HS1BP3: variants seen among roughly 807,000 people sequenced by gnomAD.
The protein encoded by HS1BP3 is HCLS1 binding protein 3.
In HS1BP3, 32 loss-of-function variants were observed where a neutral mutation model predicts 33.5. The ratio of observed to expected loss-of-function variants is 0.95; its 90% CI spans 0.72 to 1.28. The LOEUF (loss-of-function observed/expected upper bound fraction) is 1.28, where lower values mean the gene tolerates loss of function less well. Among genes scored for constraint, HS1BP3 ranks in the 50% most tolerant of loss-of-function variants. HS1BP3 has a pLI of 0.00. For synonymous variants in HS1BP3, 187 were observed against 209.2 expected (o/e 0.89, Z 0.92); for missense variants, 486 against 502.3 (o/e 0.97, Z 0.31).
intron 4 of HS1BP3, chr2:20,636,166 C>G (rs1260890594): frequency 6.6e-6 from 1 of 152,256 alleles, no homozygotes; most frequent in Non-Finnish European, 1.5e-5. Context: ...AACAGCCTCC[C>G]GAGAAGAACA....
chr2:20,577,828 A>T (rs2149274583), intron 5 of HS1BP3, among the ~76,000 whole-genome samples: 1 of 152,336 alleles, frequency 6.6e-6, no homozygotes, highest in African/African-American at 2.4e-5. Flanking sequence ...CTGGGGCTGG[A>T]TGGGGATTGG....
intron 6 of HS1BP3, among the ~76,000 whole-genome samples, chr2:20,620,937 G>T (rs763125023): frequency 1.3e-5 from 2 of 152,264 alleles, no homozygotes. Context: ...TTGAAGTCCA[G>T]AGAAGGGAGT....
intron 5 of HS1BP3, among the ~76,000 whole-genome samples, chr2:20,568,141 T>C (rs1693180365): frequency 6.6e-6 from 1 of 152,114 alleles, no homozygotes; most frequent in Non-Finnish European, 1.5e-5. Context: ...CCATTCTAGC[T>C]GGAGACAGAC....
At chr2:20,607,689 C>T (rs1694227316) in intron 2 of HS1BP3, among the ~76,000 whole-genome samples, 1 of 152,204 alleles carries the variant, frequency 6.6e-6, no homozygotes, top group Non-Finnish European at 1.5e-5. Flanking sequence ...AGTATAAGTC[C>T]TCCAACTTTG....
chr2:20,577,088 A>T (rs1441031058), intron 5 of HS1BP3, among the ~76,000 whole-genome samples: 2 of 152,232 alleles, frequency 1.3e-5, no homozygotes, highest in African/African-American at 4.8e-5. Flanking sequence ...TTGGGTTTTC[A>T]GAGTAAACAA....
intron 3 of HS1BP3, chr2:20,640,420 C>T (rs1695302241): frequency 4.6e-6 from 1 of 219,320 alleles, no homozygotes; most frequent in Non-Finnish European, 8.9e-6. Flanking sequence ...GGCCAGGACA[C>T]CCATGGGAAG....
chr2:20,616,130 C>T (rs2149288011), downstream of HS1BP3, among the ~76,000 whole-genome samples: 1 of 152,334 alleles, frequency 6.6e-6, no homozygotes, highest in Admixed American at 6.5e-5. Flanking sequence ...CCCAGTTAAA[C>T]TTCTGTTTCC....
intron 4 of HS1BP3, among the ~76,000 whole-genome samples, chr2:20,631,915 C>T (rs1355974489): frequency 6.6e-6 from 1 of 152,230 alleles, no homozygotes; most frequent in Non-Finnish European, 1.5e-5. Context: ...AACTCTGACC[C>T]ACAGTCTGCA....
intron 5 of HS1BP3, among the ~76,000 whole-genome samples, chr2:20,562,221 G>A (rs1371174892): frequency 1.3e-5 from 2 of 152,160 alleles, no homozygotes; most frequent in Non-Finnish European, 2.9e-5. Flanking sequence ...GCTCACACCT[G>A]TAACCCCAGT....
At chr2:20,650,977 C>T in intron 1 of HS1BP3, 55 bp downstream of exon 1, 7 of 1,226,864 alleles carry the variant, frequency 5.7e-6, no homozygotes, top group Non-Finnish European at 7.1e-6. Context: ...CGCCTCTCCG[C>T]CCGGGCGCCC....
At chr2:20,590,444 G>A (rs1055897332), downstream of HS1BP3, among the ~76,000 whole-genome samples, 25 of 152,150 alleles carry the variant, frequency 1.6e-4, no homozygotes, top group Admixed American at 5.9e-4. Flanking sequence ...AGGATGATGG[G>A]ACCCGATGCC....
At chr2:20,564,913 G>C (rs529929119) in intron 5 of HS1BP3, among the ~76,000 whole-genome samples, 3 of 152,220 alleles carry the variant, frequency 2.0e-5, no homozygotes, top group African/African-American at 7.2e-5. Context: ...AGGACTCAGA[G>C]GGTGGCATCA....
intron 5 of HS1BP3, among the ~76,000 whole-genome samples, chr2:20,578,863 G>A (rs749357319): frequency 6.6e-6 from 1 of 152,194 alleles, no homozygotes; most frequent in Non-Finnish European, 1.5e-5. Context: ...TCAACCAGTG[G>A]GGTGTACATG....
chr2:20,560,128 A>C (rs1362726745), downstream of HS1BP3, among the ~76,000 whole-genome samples: 1 of 152,170 alleles, frequency 6.6e-6, no homozygotes. Context: ...GCTTTTGTAC[A>C]TTGACACAGC....
At chr2:20,646,914 G>T (rs1695537253) in intron 1 of HS1BP3, among the ~76,000 whole-genome samples, 1 of 152,222 alleles carries the variant, frequency 6.6e-6, no homozygotes, top group Non-Finnish European at 1.5e-5. Context: ...GACCCCTAAA[G>T]GGAAAGTGCC....
At chr2:20,648,299 G>T (rs1180593726) in intron 1 of HS1BP3, among the ~76,000 whole-genome samples, 7 of 152,130 alleles carry the variant, frequency 4.6e-5, no homozygotes, top group Admixed American at 3.9e-4. Flanking sequence ...CCATATTCAT[G>T]GGTTCCTCTC....
intron 5 of HS1BP3, among the ~76,000 whole-genome samples, chr2:20,576,300 C>T (rs1390996141): frequency 6.6e-6 from 1 of 152,144 alleles, no homozygotes; most frequent in Non-Finnish European, 1.5e-5. Flanking sequence ...TTTCTTTCTG[C>T]TCAATCTTTG....
chr2:20,597,574 G>A (rs535985440), intron 3 of HS1BP3, among the ~76,000 whole-genome samples: 15 of 151,986 alleles, frequency 9.9e-5, no homozygotes, highest in African/African-American at 3.6e-4. Flanking sequence ...CCTCTGCCAA[G>A]CAGAATTCTC....
chr2:20,580,345 C>T (rs1693503825), intron 5 of HS1BP3, among the ~76,000 whole-genome samples: 1 of 152,162 alleles, frequency 6.6e-6, no homozygotes, highest in African/African-American at 2.4e-5. Context: ...ACAGTGAAAC[C>T]TCGTCTCTAC....
Sources: allele counts gnomAD v4.1 joint callset (sites outside exome capture counted in the v4.1 genomes callset), GRCh38; gene constraint gnomAD v4.1.1; transcripts MANE v1.5; gene names NCBI Gene and HGNC (gene_info 2026-07-23, HGNC 2026-07-21).